Variants in FIG4 observed in about 807,000 individuals in gnomAD.
The protein encoded by FIG4 is polyphosphoinositide phosphatase.
A neutral mutation model predicts 118.6 loss-of-function variants in FIG4; 112 were observed. That is an observed-to-expected ratio of 0.94 (90% CI 0.81 to 1.11). The LOEUF is 1.11. Among genes scored for constraint, FIG4 ranks in the 50% least tolerant of loss-of-function variants. The pLI, the probability that FIG4 is intolerant of heterozygous loss-of-function variation, is 0.00. For synonymous variants in FIG4, 369 were observed against 381.2 expected (o/e 0.97, Z 0.37); for missense variants, 969 against 1,111.7 (o/e 0.87, Z 1.83).
chr6:109,697,889 A>AT (rs59597626), intron 1 of FIG4, among the ~76,000 whole-genome samples: 32 of 146,300 alleles, frequency 2.2e-4, no homozygotes, highest in Admixed American at 5.4e-4. Context: ...CCATTGATCA[A>AT]TTTTTTTTTT....
At chr6:109,727,658 TG>T (rs1485842660) in intron 4 of FIG4, among the ~76,000 whole-genome samples, 1 of 152,116 alleles carries the variant, frequency 6.6e-6, no homozygotes, top group Non-Finnish European at 1.5e-5. Context: ...ATTTTTATGA[TG>T]AAAAAAACAG....
At chr6:109,760,765 A>C (rs1777081381) in intron 11 of FIG4, among the ~76,000 whole-genome samples, 1 of 152,126 alleles carries the variant, frequency 6.6e-6, no homozygotes, top group Non-Finnish European at 1.5e-5. Flanking sequence ...TGTAATGTCA[A>C]AGGCTCGTCA....
Position 109,825,393 on chromosome 6 carries a change from T to G in FIG4, c.*128T>G. ...TTTCTCCTTTTCTGTCACTTGCAAATTCCAAATTATAGCTAATAAAGATGA... is the reference window on the plus strand; with the variant it reads ...TTTCTCCTTTTCTGTCACTTGCAAAGTCCAAATTATAGCTAATAAAGATGA... On this transcript the variant is annotated 3_prime_UTR_variant, in exon 23 of 23. Transcript: ENST00000230124. 5 of 780,518 alleles carry G rather than the reference T, an allele frequency of 6.4e-6. No homozygotes were observed. Among genetic ancestry groups the G allele is most frequent in the Non-Finnish European group, 1.1e-5 (5 of 461,620 alleles). 48.3% of individuals were successfully genotyped at this position (780,518 alleles called of 1,614,324 possible).
intron 22 of FIG4, among the ~76,000 whole-genome samples, chr6:109,808,516 CATA>C: frequency 6.6e-6 from 1 of 152,206 alleles, no homozygotes; most frequent in South Asian, 2.1e-4. Context: ...TCTTGCATAT[CATA>C]ATACTTGTAT....
intron 19 of FIG4, 52 bp downstream of exon 19, chr6:109,789,729 A>G: frequency 7.9e-7 from 1 of 1,262,802 alleles, no homozygotes. Context: ...AAAGAATAGT[A>G]CTTGCAATAT....
Position 109,766,800 on chromosome 6 carries a change from A to G in FIG4, c.1655A>G (p.His552Arg), listed in dbSNP as rs763838759. 1 of 1,613,960 alleles carries G rather than the reference A, an allele frequency of 6.2e-7. No individual in the cohort carries two copies. Among genetic ancestry groups the G allele is most frequent in the South Asian group, 1.1e-5 (1 of 91,080 alleles). Residue 552 changes from histidine to arginine, a missense_variant, in exon 15 of 23, where the codon CAT (histidine) becomes CGT (arginine). His to Arg is a conservative substitution (Grantham distance 29). Transcript: ENST00000230124. ...CAGTATGGTGGTTCTCAACTTGTTC[A>G]TCGTGTGAAAACCTACAGAAAGATA... ...SLQYGGSQLV[H>R]RVKTYRKIAP...
chr6:109,756,317 G>A (rs184714970), intron 10 of FIG4, among the ~76,000 whole-genome samples: 121 of 152,336 alleles, frequency 7.9e-4, no homozygotes, highest in African/African-American at 2.6e-3. Context: ...CTGTTAGTCT[G>A]TTGGGCTTCC....
chr6:109,771,461 CTTTTTTTTTTTTTT>C (rs71018367), intron 15 of FIG4, among the ~76,000 whole-genome samples: 1 of 86,000 alleles, frequency 1.2e-5, no homozygotes, highest in Admixed American at 1.6e-4. Flanking sequence ...TCCTCTAATT[CTTTTTTTTTTTTTT>C]TTTTTTTTTT....
intron 10 of FIG4, among the ~76,000 whole-genome samples, chr6:109,753,815 C>T (rs914653779): frequency 2.8e-4 from 42 of 152,292 alleles, no homozygotes; most frequent in African/African-American, 9.6e-4. Context: ...GCTGAAGTTG[C>T]TTATCAGCTT....
chr6:109,708,432 C>A (rs1406723269), intron 1 of FIG4, among the ~76,000 whole-genome samples: 1 of 152,192 alleles, frequency 6.6e-6, no homozygotes, highest in Non-Finnish European at 1.5e-5. Context: ...TGAACATACA[C>A]GTGCATGTGT....
At chr6:109,749,588 TAATAA>T (rs56866401) in intron 10 of FIG4, among the ~76,000 whole-genome samples, 11 of 141,762 alleles carry the variant, frequency 7.8e-5, no homozygotes, top group Non-Finnish European at 1.1e-4. Context: ...CCTGCCTCAA[TAATAA>T]AATAAAATAA....
chr6:109,721,860 A>G (rs983275241), intron 3 of FIG4, among the ~76,000 whole-genome samples: 3 of 152,298 alleles, frequency 2.0e-5, no homozygotes, highest in African/African-American at 4.8e-5. Flanking sequence ...TTTCCCTTAT[A>G]CAAATTATGA....
rs202167631 is a variant in FIG4, at chr6:109,695,601, G to GACACAC, written c.66+4118_66+4123dup. On this transcript the variant is annotated intron_variant, in intron 1 of 22. Coordinates refer to ENST00000230124, the MANE Select transcript of FIG4 (RefSeq NM_014845.6). The stretch of plus-strand genomic sequence containing the variant: ...GAATACACACACACACACACACACA[G>GACACAC]ACACACACACACACACACACACAAT... Among the ~76,000 whole-genome samples the GACACAC allele has an allele frequency of 3.7e-3, 366 of 99,334 alleles. 1 individual carries two copies. The highest frequency in any genetic ancestry group is 8.8e-3 in the Admixed American group (88 of 9,990). The allele number at this position is 99,334 out of a possible 152,430, so 65.2% of individuals were successfully genotyped here.
chr6:109,717,206 A>G (rs1290859257), intron 3 of FIG4, among the ~76,000 whole-genome samples: 4 of 152,204 alleles, frequency 2.6e-5, no homozygotes, highest in Non-Finnish European at 5.9e-5. Context: ...GTTTCTGAAC[A>G]CAGTAGTCCA....
chr6:109,717,814 C>T (rs950722256), intron 3 of FIG4, among the ~76,000 whole-genome samples: 1 of 152,210 alleles, frequency 6.6e-6, no homozygotes, highest in African/African-American at 2.4e-5. Context: ...AAAGCCAAAG[C>T]AGAGGGCTAT....
intron 22 of FIG4, among the ~76,000 whole-genome samples, chr6:109,812,393 G>A (rs1778745005): frequency 1.3e-5 from 2 of 152,192 alleles, no homozygotes; most frequent in Admixed American, 6.5e-5. Context: ...CAGGAGCTTA[G>A]CTGTTACTCT....
intron 18 of FIG4, among the ~76,000 whole-genome samples, chr6:109,787,710 A>T (rs1778019926): frequency 6.6e-6 from 1 of 152,176 alleles, no homozygotes; most frequent in African/African-American, 2.4e-5. Flanking sequence ...ACTGTAGTTA[A>T]TTGTGTTTGT....
intron 5 of FIG4, among the ~76,000 whole-genome samples, chr6:109,733,686 G>C (rs1776075710): frequency 6.6e-6 from 1 of 152,000 alleles, no homozygotes; most frequent in Non-Finnish European, 1.5e-5. Flanking sequence ...GGCTCCTAAA[G>C]AAATAGTTTT....
intron 16 of FIG4, among the ~76,000 whole-genome samples, 170 bp downstream of exon 16, chr6:109,777,230 A>C (rs1231431331): frequency 6.6e-6 from 1 of 152,080 alleles, no homozygotes; most frequent in East Asian, 1.9e-4. Flanking sequence ...TATGGGGTAC[A>C]TGAAGTGTTT....
Sources: gnomAD v4.1 joint callset for allele counts (sites outside exome capture counted in the v4.1 genomes callset) on GRCh38, gnomAD v4.1.1 for gene constraint, MANE v1.5 for transcripts, NCBI Gene and HGNC (gene_info 2026-07-23, HGNC 2026-07-21) for gene names.